Variants in BMX observed in about 807,000 individuals in gnomAD.
The protein encoded by BMX is BMX non-receptor tyrosine kinase, also known as cytoplasmic tyrosine-protein kinase BMX.
BMX carries 31 observed loss-of-function variants against 59.2 expected under a neutral mutation model. That is an observed-to-expected ratio of 0.52 (90% CI 0.39 to 0.71). The LOEUF (loss-of-function observed/expected upper bound fraction) is 0.71. Among genes scored for constraint, BMX ranks in the 30% least tolerant of loss-of-function variants. BMX has a pLI of 0.00. For missense variants in BMX, 474 were observed against 491.7 expected (o/e 0.96, Z 0.34); for synonymous variants, 185 against 181.0 (o/e 1.02, Z -0.18).
chrX:15,537,202 G>A lies in BMX; in HGVS notation c.1291G>A (p.Val431Ile). 5 of 1,210,648 alleles carry A rather than the reference G, an allele frequency of 4.1e-6. No individual in the cohort carries two copies. The highest frequency in any genetic ancestry group is 5.6e-6 in the Non-Finnish European group (5 of 895,045). Reference protein sequence around the residue: ...KELGSGQFGVVQLGKWKGQYD... With the variant: ...KELGSGQFGVIQLGKWKGQYD... ...GCTGGGAAGTGGCCAGTTTGGAGTG[G>A]TCCAGCTGGGCAAGTGGAAGGGGCA... The change falls in exon 14 of 19, where the codon GTC (valine) becomes ATC (isoleucine). Residue 431 changes from valine (V) to isoleucine (I), a missense_variant. By Grantham distance (29) the Val-to-Ile change is conservative. Coordinates refer to ENST00000348343, the MANE Select transcript of BMX (RefSeq NM_203281.3).
chrX:15,534,148 T>C, intron 11 of BMX, 64 bp from the exon 12 acceptor site: 1 of 1,004,009 alleles, frequency 1.0e-6, no homozygotes, highest in Non-Finnish European at 1.3e-6. Flanking sequence ...AATAATTATT[T>C]AACCCTTGCT....
intron 9 of BMX, among the ~76,000 whole-genome samples, chrX:15,526,968 C>T (rs1924769316): frequency 9.2e-6 from 1 of 109,194 alleles, no homozygotes; most frequent in African/African-American, 3.3e-5. Flanking sequence ...TTAATAATAA[C>T]TTAATTATAC....
In BMX at chrX:15,527,193, C is replaced by CAA. The variant is rs1188631387; in HGVS notation, c.884+1121_884+1122dup. On this transcript the variant is annotated intron_variant, in intron 9 of 18. Coordinates refer to ENST00000348343, the MANE Select transcript of BMX (RefSeq NM_203281.3). ...TGGGCGACAGAGCAAGACTCTGTCTCAAAAAAAAAAAAAAAAAAAAAAAAC... is the reference window on the plus strand; with the variant it reads ...TGGGCGACAGAGCAAGACTCTGTCTCAAAAAAAAAAAAAAAAAAAAAAAAAAC... 9.3e-3 allele frequency among the ~76,000 whole-genome samples: 131 copies of CAA among 14,138 alleles called. 29 individuals carry two copies. Among genetic ancestry groups the CAA allele is most frequent in the African/African-American group, 0.023 (85 of 3,726 alleles). The allele number at this position is 14,138 out of a possible 115,157, so 12.3% of individuals were successfully genotyped here.
chrX:15,549,104 G>C (rs953808479), intron 17 of BMX, among the ~76,000 whole-genome samples: 1 of 111,458 alleles, frequency 9.0e-6, no homozygotes, highest in Admixed American at 9.5e-5. Flanking sequence ...CAAAGGCCAT[G>C]TCTAACTGAT....
intron 12 of BMX, among the ~76,000 whole-genome samples, 173 bp from the exon 13 acceptor site, chrX:15,536,180 A>G (rs1330400361): frequency 8.9e-6 from 1 of 112,465 alleles, no homozygotes; most frequent in Non-Finnish European, 1.9e-5. Context: ...CATTAAGCTA[A>G]TTAGTCAAGT....
At chrX:15,509,175 T>C (rs953264800) in intron 2 of BMX, among the ~76,000 whole-genome samples, 154 bp from the exon 3 acceptor site, 1 of 110,099 alleles carries the variant, frequency 9.1e-6, no homozygotes, top group African/African-American at 3.3e-5. Context: ...TATGTTGTCA[T>C]TGGATTTTGA....
At chrX:15,525,442 T>TA in intron 8 of BMX, 77 bp downstream of exon 8, 1 of 1,014,306 alleles carries the variant, frequency 9.9e-7, no homozygotes, top group Non-Finnish European at 1.4e-6. Context: ...TTGCAATAAT[T>TA]TTGCAGCTAG....
chrX:15,509,515 AT>A, intron 3 of BMX, 82 bp downstream of exon 3: 1 of 620,569 alleles, frequency 1.6e-6, no homozygotes, highest in Non-Finnish European at 2.4e-6. Flanking sequence ...TCTAGGAAAA[AT>A]AATGATATTT....
chrX:15,553,523 T>C (rs1446241437), intron 18 of BMX, among the ~76,000 whole-genome samples: 2 of 111,978 alleles, frequency 1.8e-5, no homozygotes, highest in African/African-American at 3.3e-5. Context: ...TTGTGTGTTG[T>C]CAGTAGGTGC....
intron 17 of BMX, among the ~76,000 whole-genome samples, chrX:15,548,976 C>T (rs1926069670): frequency 9.0e-6 from 1 of 111,678 alleles, no homozygotes; most frequent in African/African-American, 3.3e-5. Flanking sequence ...CGTGTTTTAT[C>T]CTATTTAATC....
At chrX:15,518,023 T>C (rs367895029) in intron 6 of BMX, 30 bp downstream of exon 6, 9 of 1,135,193 alleles carry the variant, frequency 7.9e-6, no homozygotes, top group South Asian at 7.6e-5. Context: ...ATGTTTTTCA[T>C]GGTCAGGATA....
chrX:15,521,957 T>C (rs748942187), intron 6 of BMX, among the ~76,000 whole-genome samples: 1 of 111,992 alleles, frequency 8.9e-6, no homozygotes, highest in African/African-American at 3.2e-5. Flanking sequence ...AGGCAGTTTC[T>C]AGTTTTTATC....
chrX:15,542,180 A>G lies in BMX; in HGVS notation c.1593A>G (p.Gln531=). 2 of 1,210,962 alleles carry G rather than the reference A, an allele frequency of 1.7e-6. No homozygotes were observed. The highest frequency in any genetic ancestry group is 2.2e-6 in the Non-Finnish European group (2 of 894,887). ...GCATGGCCTTCTTGGAGAGTCACCA[A>G]TTCATACACCGGGACTTGGTAAGCA... is the stretch of plus-strand genomic sequence containing the variant. ...CEGMAFLESH[Q]FIHRDLAARN... is the part of the protein sequence containing the mutation. The change falls in exon 15 of 19, where the codon CAA becomes CAG. Residue 531 remains glutamine (Q), a synonymous_variant. Transcript: ENST00000348343.
chrX:15,525,156 C>T (rs1228537514), intron 7 of BMX, 132 bp from the exon 8 acceptor site: 25 of 616,157 alleles, frequency 4.1e-5, no homozygotes, highest in Non-Finnish European at 6.0e-5. Flanking sequence ...GCTTAAATTT[C>T]CCAAACAAGT....
At chrX:15,554,520 T>G (rs1389383366) in intron 18 of BMX, among the ~76,000 whole-genome samples, 1 of 109,060 alleles carries the variant, frequency 9.2e-6, no homozygotes, top group Non-Finnish European at 1.9e-5. Flanking sequence ...GGTGGGTGGG[T>G]TTTTTTTTCT....
At chrX:15,538,132 T>TTC (rs1245860336) in intron 14 of BMX, among the ~76,000 whole-genome samples, 5 of 108,680 alleles carry the variant, frequency 4.6e-5, no homozygotes, top group South Asian at 4.0e-4. Flanking sequence ...CCTCTGTGTC[T>TTC]TCTCTCTCTC....
At chrX:15,553,160 T>C (rs1005665043) in intron 18 of BMX, among the ~76,000 whole-genome samples, 1 of 112,126 alleles carries the variant, frequency 8.9e-6, no homozygotes, top group African/African-American at 3.2e-5. Context: ...TTGCATTCAG[T>C]GTAGTTAGTT....
chrX:15,525,190 A>G (rs1479956425), intron 7 of BMX, 98 bp from the exon 8 acceptor site: 1 of 820,802 alleles, frequency 1.2e-6, no homozygotes, highest in Non-Finnish European at 1.7e-6. Flanking sequence ...CAAAATGTCA[A>G]ATAAAGCTAA....
chrX:15,544,703 C>A (rs1436719170), intron 16 of BMX, among the ~76,000 whole-genome samples: 1 of 111,469 alleles, frequency 9.0e-6, no homozygotes, highest in Non-Finnish European at 1.9e-5. Context: ...TTTGCTCCTA[C>A]TAGCTTGAAG....
Sources: gnomAD v4.1 joint callset for allele counts (sites outside exome capture counted in the v4.1 genomes callset) on GRCh38, gnomAD v4.1.1 for gene constraint, MANE v1.5 for transcripts, NCBI Gene and HGNC (gene_info 2026-07-23, HGNC 2026-07-21) for gene names.